Variants in CACNA2D3 observed in about 807,000 individuals in gnomAD.
CACNA2D3 encodes calcium voltage-gated channel auxiliary subunit alpha2delta 3, also known as voltage-dependent calcium channel subunit alpha-2/delta-3.
In CACNA2D3, 60 loss-of-function variants were observed where a neutral mutation model predicts 160.6. The ratio of observed to expected loss-of-function variants is 0.37; its 90% confidence interval spans 0.30 to 0.46. CACNA2D3 has a LOEUF of 0.46. CACNA2D3 is among the 20% of genes least tolerant of loss of function. The pLI, the probability that CACNA2D3 is intolerant of heterozygous loss-of-function variation, is 1.00. For missense variants in CACNA2D3, 1,205 were observed against 1,365.0 expected (o/e 0.88, Z 1.85); for synonymous variants, 558 against 492.9 (o/e 1.13, Z -1.75).
At chr3:55,013,798 A>G (rs1703263562) in intron 34 of CACNA2D3, among the ~76,000 whole-genome samples, 2 of 152,316 alleles carry the variant, frequency 1.3e-5, no homozygotes, top group African/African-American at 2.4e-5. Flanking sequence ...CACAGAAACA[A>G]AAGAAGAGGA....
At chr3:54,284,494 A>G (rs1342716464) in intron 2 of CACNA2D3, among the ~76,000 whole-genome samples, 2 of 152,106 alleles carry the variant, frequency 1.3e-5, no homozygotes, top group African/African-American at 2.4e-5. Context: ...TGGGAACTCT[A>G]TTCCCTTTAC....
chr3:54,638,379 T>A (rs1374117219), intron 10 of CACNA2D3: 2 of 151,980 alleles, frequency 1.3e-5, no homozygotes, highest in East Asian at 3.9e-4. Context: ...AGCCACCTTT[T>A]TAAGAATAAA....
chr3:54,927,206 C>A (rs2106946602), intron 27 of CACNA2D3, among the ~76,000 whole-genome samples: 1 of 152,298 alleles, frequency 6.6e-6, no homozygotes, highest in East Asian at 1.9e-4. Flanking sequence ...TTTCCCCTTT[C>A]TTCCTTAAAT....
chr3:54,831,793 C>G (rs1703883659), intron 14 of CACNA2D3, among the ~76,000 whole-genome samples: 1 of 152,038 alleles, frequency 6.6e-6, no homozygotes, highest in African/African-American at 2.4e-5. Flanking sequence ...CTAGAGCTGC[C>G]TAGGTCATTT....
chr3:55,039,189 A>C (rs951784113), intron 35 of CACNA2D3, among the ~76,000 whole-genome samples: 7 of 152,084 alleles, frequency 4.6e-5, no homozygotes, highest in Non-Finnish European at 8.8e-5. Context: ...TCATTTCTTC[A>C]CCTGTAGAAA....
At chr3:54,673,425 C>T (rs1700192089) in intron 11 of CACNA2D3, among the ~76,000 whole-genome samples, 1 of 152,126 alleles carries the variant, frequency 6.6e-6, no homozygotes, top group Admixed American at 6.5e-5. Flanking sequence ...CTTATCTGAT[C>T]AGGAAAACAT....
intron 2 of CACNA2D3, among the ~76,000 whole-genome samples, chr3:54,149,946 TCCCTCCC>T (rs1700114847): frequency 1.7e-5 from 1 of 60,376 alleles, no homozygotes; most frequent in Non-Finnish European, 3.0e-5. Context: ...CCTCCCTCCC[TCCCTCCC>T]TCCCTCTTCC....
rs1699525416 is a variant in CACNA2D3 at position 54,123,678 on chromosome 3, C to A, written c.204+84C>A. Reference sequence around the variant, plus strand: ...ATTTAGTTTTCCAAACAAACGTGAGCCCCGAGCAGCATCAGTTATCGGAGG... The same window carrying A: ...ATTTAGTTTTCCAAACAAACGTGAGACCCGAGCAGCATCAGTTATCGGAGG... On this transcript the variant is annotated intron_variant, in intron 2 of 37. Transcript: ENST00000474759. 16 of 1,105,214 alleles carry A rather than the reference C, an allele frequency of 1.4e-5. No individual in the cohort carries two copies. In the South Asian group the frequency reaches 1.9e-4, roughly 13 times the overall value. The allele number at this position is 1,105,214 out of a possible 1,614,324, so 68.5% of individuals were successfully genotyped here.
chr3:54,576,017 G>A (rs1370780984), intron 8 of CACNA2D3, among the ~76,000 whole-genome samples: 2 of 152,164 alleles, frequency 1.3e-5, no homozygotes. Flanking sequence ...AACCAGTCTG[G>A]TCAGCCAGGT....
chr3:54,457,928 T>C (rs1181723077), intron 4 of CACNA2D3, among the ~76,000 whole-genome samples: 2 of 152,086 alleles, frequency 1.3e-5, no homozygotes, highest in Non-Finnish European at 2.9e-5. Context: ...TCTATTTGTA[T>C]GGATATCATT....
chr3:54,130,410 G>A (rs1052857427), intron 2 of CACNA2D3, among the ~76,000 whole-genome samples: 7 of 152,250 alleles, frequency 4.6e-5, no homozygotes, highest in African/African-American at 1.7e-4. Flanking sequence ...GCCTTAAGCA[G>A]TGGCATCTCT....
chr3:54,826,462 A>C (rs1055874913), intron 14 of CACNA2D3, among the ~76,000 whole-genome samples: 2 of 152,210 alleles, frequency 1.3e-5, no homozygotes, highest in Non-Finnish European at 2.9e-5. Flanking sequence ...GAAGTAGAAA[A>C]TGTCAAGCAA....
chr3:54,481,808 TGTTA>T (rs749732131), intron 4 of CACNA2D3, among the ~76,000 whole-genome samples: 2 of 152,210 alleles, frequency 1.3e-5, no homozygotes, highest in Non-Finnish European at 2.9e-5. Flanking sequence ...GCAATGTCTG[TGTTA>T]GTTTATATAA....
chr3:55,004,971 T>TTA, intron 32 of CACNA2D3, 133 bp downstream of exon 32: 1 of 509,620 alleles, frequency 2.0e-6, no homozygotes, highest in Non-Finnish European at 3.4e-6. Context: ...TTTACTCACT[T>TTA]AAAAAAAAAA....
At chr3:55,073,594 A>G in intron 36 of CACNA2D3, 37 bp downstream of exon 36, 4 of 1,533,112 alleles carry the variant, frequency 2.6e-6, no homozygotes, top group Non-Finnish European at 3.6e-6. Context: ...ACTACCACGG[A>G]AACCAGTAAG....
intron 11 of CACNA2D3, among the ~76,000 whole-genome samples, chr3:54,720,610 C>A (rs1471561450): frequency 1.3e-5 from 2 of 151,988 alleles, no homozygotes; most frequent in African/African-American, 4.8e-5. Context: ...TCAATGTGAT[C>A]AAATTGACTA....
chr3:54,327,094 TG>T (rs1192815980), intron 3 of CACNA2D3, among the ~76,000 whole-genome samples: 38 of 152,220 alleles, frequency 2.5e-4, no homozygotes, highest in African/African-American at 8.9e-4. Context: ...CTTTGGTTAA[TG>T]GCTGAGAACA....
chr3:54,791,697 G>C (rs1702760555), intron 13 of CACNA2D3, among the ~76,000 whole-genome samples: 3 of 152,102 alleles, frequency 2.0e-5, no homozygotes, highest in African/African-American at 7.2e-5. Context: ...GTCACATTGA[G>C]ACAGATGGGA....
intron 4 of CACNA2D3, among the ~76,000 whole-genome samples, chr3:54,435,012 A>G (rs913504926): frequency 6.6e-6 from 1 of 152,200 alleles, no homozygotes; most frequent in East Asian, 1.9e-4. Flanking sequence ...GCCCAGCAGG[A>G]TGTTTGATTA....
Sources: gnomAD v4.1 joint callset for allele counts (sites outside exome capture counted in the v4.1 genomes callset) on GRCh38, gnomAD v4.1.1 for gene constraint, MANE v1.5 for transcripts, NCBI Gene and HGNC (gene_info 2026-07-23, HGNC 2026-07-21) for gene names.